MCF2L2: variants seen among roughly 807,000 people sequenced by gnomAD.
The protein encoded by MCF2L2 is probable guanine nucleotide exchange factor MCF2L2.
MCF2L2 carries 102 observed loss-of-function variants against 150.2 expected under a neutral mutation model. The observed-to-expected ratio is 0.68, with a 90% CI of 0.58 to 0.80. The LOEUF is 0.80. MCF2L2 is among the 30% of genes least tolerant of loss of function. MCF2L2 has a pLI of 0.00. For synonymous variants in MCF2L2, 465 were observed against 491.3 expected (o/e 0.95, Z 0.71); for missense variants, 1,256 against 1,372.8 (o/e 0.91, Z 1.34).
At chr3:183,211,431 A>G (rs1205497981) in intron 22 of MCF2L2, among the ~76,000 whole-genome samples, 1 of 152,174 alleles carries the variant, frequency 6.6e-6, no homozygotes, top group Admixed American at 6.5e-5. Context: ...ATGTTGCACA[A>G]ATGTTCTCAG....
chr3:183,396,559 G>GA (rs1714478347), intron 1 of MCF2L2, among the ~76,000 whole-genome samples: 1 of 152,124 alleles, frequency 6.6e-6, no homozygotes, highest in Non-Finnish European at 1.5e-5. Flanking sequence ...AGTTCAAAGT[G>GA]AAAATCTCAG....
At chr3:183,337,216 TTG>T (rs1423935706) in intron 5 of MCF2L2, among the ~76,000 whole-genome samples, 2 of 152,154 alleles carry the variant, frequency 1.3e-5, no homozygotes, top group South Asian at 4.1e-4. Context: ...TTTTGTGAAT[TTG>T]TGTTTTCATT....
intron 1 of MCF2L2, among the ~76,000 whole-genome samples, chr3:183,424,521 AGT>A (rs1409957208): frequency 6.6e-6 from 1 of 152,204 alleles, no homozygotes; most frequent in Non-Finnish European, 1.5e-5. Context: ...ATCTCCTTAG[AGT>A]GAGGCCCTGT....
chr3:183,266,414 G>A (rs764584445), intron 15 of MCF2L2, among the ~76,000 whole-genome samples: 11 of 152,218 alleles, frequency 7.2e-5, no homozygotes, highest in Admixed American at 3.3e-4. Context: ...ATGCTTTTCA[G>A]TTGAGAATTT....
At chr3:183,202,648 A>G (rs1335941417) in intron 25 of MCF2L2, among the ~76,000 whole-genome samples, 1 of 152,260 alleles carries the variant, frequency 6.6e-6, no homozygotes, top group Admixed American at 6.5e-5. Context: ...CTGTCATGTC[A>G]TTAGTATTTA....
At chr3:183,277,656 A>AAT (rs779785454) in intron 14 of MCF2L2, among the ~76,000 whole-genome samples, 347 of 148,786 alleles carry the variant, frequency 2.3e-3, no homozygotes, top group East Asian at 5.6e-3. Context: ...TTATATTCCA[A>AAT]ATATATATAT....
At position 183,295,376 on chromosome 3, in the gene MCF2L2, T is replaced by G; in HGVS notation, c.1599A>C (p.Pro533=). ...LMKLAAKQTR[P]VQPVAPHPES... is the part of the protein sequence containing the mutation. ...CAGGATGTGGGGCCACAGGTTGCACTGGACGAGTCTGTTTGGCTGCCAGTT... is the reference window on the plus strand; with the variant it reads ...CAGGATGTGGGGCCACAGGTTGCACGGGACGAGTCTGTTTGGCTGCCAGTT... The change falls in exon 13 of 30, where the codon CCA becomes CCC. Residue 533 remains proline (P), a synonymous_variant. Coordinates refer to ENST00000328913, the MANE Select transcript of MCF2L2 (RefSeq NM_015078.4). 6.2e-7 allele frequency: 1 copy of G among 1,614,072 alleles called. No homozygotes were observed. The highest frequency in any genetic ancestry group is 8.5e-7 in the Non-Finnish European group (1 of 1,179,972).
chr3:183,370,028 T>C (rs1336948670), intron 3 of MCF2L2, among the ~76,000 whole-genome samples: 1 of 152,230 alleles, frequency 6.6e-6, no homozygotes, highest in African/African-American at 2.4e-5. Context: ...TGTTATGGTA[T>C]GTGGCTATCA....
At position 183,381,542 on chromosome 3, in the gene MCF2L2, A is replaced by G. The variant is rs576087784; in HGVS notation, c.161-2131T>C. 1.6e-4 allele frequency among the ~76,000 whole-genome samples: 24 copies of G among 152,342 alleles called. No individual in the cohort carries two copies. The East Asian group carries it at 3.5e-3, about 22-fold the overall frequency. ...AAAAGGAATGTGTTATTGAGCAAAC[A>G]TAAGTATATTATGTAAAGAATAAGT... is the stretch of plus-strand genomic sequence containing the variant. On this transcript the variant is annotated intron_variant, in intron 2 of 29. Transcript: ENST00000328913.
At chr3:183,254,991 T>C (rs769771897) in intron 15 of MCF2L2, among the ~76,000 whole-genome samples, 6 of 152,204 alleles carry the variant, frequency 3.9e-5, no homozygotes, top group Non-Finnish European at 8.8e-5. Context: ...TTGGCCGGTG[T>C]TGGTTTTCTT....
intron 8 of MCF2L2, among the ~76,000 whole-genome samples, chr3:183,311,441 G>GA (rs1438361462): frequency 2.0e-5 from 3 of 152,172 alleles, no homozygotes; most frequent in African/African-American, 7.2e-5. Flanking sequence ...ATACATTGAA[G>GA]AGGGGGGAAT....
intron 7 of MCF2L2, among the ~76,000 whole-genome samples, chr3:183,313,704 C>T (rs1039277086): frequency 2.0e-5 from 3 of 152,300 alleles, no homozygotes; most frequent in Non-Finnish European, 4.4e-5. Context: ...CGCACTCAGG[C>T]TGGAGGAGAA....
intron 3 of MCF2L2, chr3:183,372,910 T>A (rs1488588952): frequency 1.3e-5 from 2 of 152,202 alleles, no homozygotes; most frequent in African/African-American, 4.8e-5. Context: ...CCAACAACTA[T>A]GATTGAAACG....
At chr3:183,180,300 G>A (rs1351202202) in intron 27 of MCF2L2, 141 bp from the exon 28 acceptor site, 13 of 638,658 alleles carry the variant, frequency 2.0e-5, no homozygotes, top group East Asian at 1.0e-4. Context: ...GGCCTGCACT[G>A]CGCTGGGCTG....
intron 23 of MCF2L2, among the ~76,000 whole-genome samples, 186 bp from the exon 24 acceptor site, chr3:183,206,400 G>T (rs972607369): frequency 2.4e-4 from 36 of 152,100 alleles, no homozygotes; most frequent in African/African-American, 8.7e-4. Context: ...AGTGTCTTCT[G>T]TCTCATCTGT....
chr3:183,216,510 ATATT>A (rs1391341020), intron 21 of MCF2L2, among the ~76,000 whole-genome samples: 4 of 138,414 alleles, frequency 2.9e-5, no homozygotes, highest in Non-Finnish European at 6.2e-5. Context: ...TATATATTAA[ATATT>A]TATATATTAT....
intron 15 of MCF2L2, among the ~76,000 whole-genome samples, chr3:183,275,195 T>A (rs1481900682): frequency 6.6e-6 from 1 of 152,162 alleles, no homozygotes; most frequent in Non-Finnish European, 1.5e-5. Flanking sequence ...ATTCCATGTG[T>A]TTTTTTACGA....
chr3:183,329,067 T>C (rs60249767), intron 5 of MCF2L2, among the ~76,000 whole-genome samples: 19,522 of 152,290 alleles, frequency 0.13, 1,342 homozygotes, highest in African/African-American at 0.14. Context: ...GGAATTCACA[T>C]ACATTGCTGG....
chr3:183,392,579 C>G (rs1405176719), intron 1 of MCF2L2, among the ~76,000 whole-genome samples: 1 of 152,210 alleles, frequency 6.6e-6, no homozygotes, highest in Non-Finnish European at 1.5e-5. Flanking sequence ...TGCTTGCTCT[C>G]CAGCCAGGAA....
Sources: gnomAD v4.1 joint callset for allele counts (sites outside exome capture counted in the v4.1 genomes callset) on GRCh38, gnomAD v4.1.1 for gene constraint, MANE v1.5 for transcripts, NCBI Gene and HGNC (gene_info 2026-07-23, HGNC 2026-07-21) for gene names.